Variants in MPP7 observed in about 807,000 individuals in gnomAD.
MPP7 encodes the protein MAGUK p55 subfamily member 7.
A neutral mutation model predicts 76.5 loss-of-function variants in MPP7; 60 were observed. The ratio of observed to expected loss-of-function variants is 0.78; its 90% CI spans 0.64 to 0.97. The LOEUF (loss-of-function observed/expected upper bound fraction) is 0.97. MPP7 is among the 50% of genes least tolerant of loss of function. The pLI is 0.00. For missense variants in MPP7, 641 were observed against 694.0 expected (o/e 0.92, Z 0.86); for synonymous variants, 237 against 244.5 (o/e 0.97, Z 0.29).
At chr10:28,313,876 A>ATTTT (rs1841304865) in intron 2 of MPP7, among the ~76,000 whole-genome samples, 1 of 56,676 alleles carries the variant, frequency 1.8e-5, no homozygotes, top group Non-Finnish European at 3.0e-5. Flanking sequence ...TATTTTTTTT[A>ATTTT]TTTTTTTTTG....
intron 3 of MPP7, among the ~76,000 whole-genome samples, chr10:28,190,867 A>G (rs1449086275): frequency 2.6e-5 from 4 of 152,128 alleles, no homozygotes; most frequent in African/African-American, 4.8e-5. Context: ...GTTCTTTTAA[A>G]TGATTAATAA....
chr10:28,146,004 A>AACAT (rs1835692089), intron 5 of MPP7, among the ~76,000 whole-genome samples: 1 of 152,118 alleles, frequency 6.6e-6, no homozygotes, highest in Admixed American at 6.6e-5. Flanking sequence ...TTTTGTCTGA[A>AACAT]ACATGCTGCT....
intron 11 of MPP7, among the ~76,000 whole-genome samples, chr10:28,092,329 G>A (rs115813055): frequency 0.013 from 1,957 of 152,254 alleles, 57 homozygotes; most frequent in African/African-American, 0.045. Flanking sequence ...GTAAAGAGGA[G>A]AAGAGAATAG....
At chr10:28,309,402 A>G (rs1841276452) in intron 2 of MPP7, among the ~76,000 whole-genome samples, 2 of 141,178 alleles carry the variant, frequency 1.4e-5, no homozygotes, top group Admixed American at 1.4e-4. Context: ...CAACAGAGTG[A>G]GACTCCATCT....
rs969643948 is a variant in MPP7, at chr10:28,051,782, T to C, written c.*2283A>G. On this transcript the variant is annotated 3_prime_UTR_variant, in exon 17 of 17. Transcript: ENST00000683449. ...GACCACGTCTACCGGCTGGGCACGG[T>C]GGATCATGCCTGTAATCCCAGCACT... 1.3e-5 allele frequency: 2 copies of C among 152,034 alleles called. No homozygotes were observed. The highest frequency in any genetic ancestry group is 2.4e-5 in the African/African-American group (1 of 41,322). 9.4% of individuals were successfully genotyped at this position (152,034 alleles called of 1,614,324 possible). A position where few individuals can be genotyped will look rare whatever the true frequency, so the allele number is the denominator to read the frequency against.
At chr10:28,067,929 T>A (rs1039889747) in intron 13 of MPP7, among the ~76,000 whole-genome samples, 3 of 152,138 alleles carry the variant, frequency 2.0e-5, no homozygotes, top group African/African-American at 4.8e-5. Context: ...AGTCAACATA[T>A]CCTTTCTATC....
At chr10:28,159,524 A>G (rs1048485636) in intron 3 of MPP7, among the ~76,000 whole-genome samples, 3 of 152,220 alleles carry the variant, frequency 2.0e-5, no homozygotes, top group African/African-American at 7.2e-5. Context: ...GCTACAAAGG[A>G]AACAGCTGAA....
chr10:28,277,017 A>G (rs1242543632), intron 1 of MPP7, among the ~76,000 whole-genome samples: 4 of 151,830 alleles, frequency 2.6e-5, no homozygotes, highest in African/African-American at 9.7e-5. Context: ...ACATAGTGAG[A>G]TGCTGCCTCT....
chr10:28,062,755 G>A (rs1031036828), intron 13 of MPP7, among the ~76,000 whole-genome samples: 2 of 152,116 alleles, frequency 1.3e-5, no homozygotes, highest in African/African-American at 2.4e-5. Context: ...AACTGATAAA[G>A]TCAACGTTAT....
chr10:28,136,525 T>G (rs1405366387), intron 5 of MPP7, among the ~76,000 whole-genome samples: 1 of 152,044 alleles, frequency 6.6e-6, no homozygotes, highest in Non-Finnish European at 1.5e-5. Flanking sequence ...ATACTGAAAT[T>G]ACACAGATGA....
chr10:28,079,333 A>G (rs183405819), intron 12 of MPP7, among the ~76,000 whole-genome samples: 132 of 152,082 alleles, frequency 8.7e-4, no homozygotes, highest in African/African-American at 2.9e-3. Context: ...TTTAAATCTG[A>G]TACAGACATA....
At chr10:28,180,917 T>C (rs1001691670) in intron 3 of MPP7, among the ~76,000 whole-genome samples, 10 of 152,086 alleles carry the variant, frequency 6.6e-5, no homozygotes, top group African/African-American at 2.4e-4. Context: ...ATAACTAACA[T>C]CAAGAGGTGG....
In MPP7 at chr10:28,098,386, G is replaced by C. The variant is rs1046930617; in HGVS notation, c.953-8545C>G. ...TACTTTTTTTAGTAATATAAAGACT[G>C]TTATGGATACAGAAATATAGAAGAA... On this transcript the variant is annotated intron_variant, in intron 11 of 16. Transcript: ENST00000683449. Among the ~76,000 whole-genome samples the C allele has an allele frequency of 4.3e-4, 66 of 151,938 alleles. 1 individual carries two copies. Among genetic ancestry groups the C allele is most frequent in the African/African-American group, 1.4e-3 (59 of 41,510 alleles).
intron 2 of MPP7, among the ~76,000 whole-genome samples, chr10:28,224,169 A>G (rs1008021004): frequency 6.6e-6 from 1 of 152,122 alleles, no homozygotes; most frequent in Non-Finnish European, 1.5e-5. Flanking sequence ...TGGGCAATAG[A>G]GTGAAACTCC....
intron 8 of MPP7, among the ~76,000 whole-genome samples, chr10:28,123,828 G>C (rs1834921689): frequency 6.6e-6 from 1 of 152,034 alleles, no homozygotes; most frequent in Non-Finnish European, 1.5e-5. Context: ...CAGATGGATA[G>C]TTACCTCTTA....
intron 3 of MPP7, among the ~76,000 whole-genome samples, chr10:28,165,607 T>G (rs1836424750): frequency 6.6e-6 from 1 of 151,806 alleles, no homozygotes; most frequent in Non-Finnish European, 1.5e-5. Context: ...TCAAATATTT[T>G]AAAGGCAGCC....
intron 1 of MPP7, among the ~76,000 whole-genome samples, chr10:28,247,309 A>G (rs1434044762): frequency 6.6e-6 from 1 of 152,214 alleles, no homozygotes; most frequent in African/African-American, 2.4e-5. Context: ...AGAGCTATCA[A>G]AAAATACACT....
At chr10:28,281,943 T>C (rs1840686402) in intron 1 of MPP7, 1 of 152,110 alleles carries the variant, frequency 6.6e-6, no homozygotes, top group South Asian at 2.1e-4. Flanking sequence ...GGAAGACAGC[T>C]GTGGAAACCA....
chr10:28,289,739 G>A (rs989564347), intron 1 of MPP7, among the ~76,000 whole-genome samples: 1 of 152,122 alleles, frequency 6.6e-6, no homozygotes, highest in African/African-American at 2.4e-5. Flanking sequence ...TAGGGGCAGG[G>A]GCAAGAGCAG....
Sources: allele counts gnomAD v4.1 joint callset (sites outside exome capture counted in the v4.1 genomes callset), GRCh38; gene constraint gnomAD v4.1.1; transcripts MANE v1.5; gene names NCBI Gene and HGNC (gene_info 2026-07-23, HGNC 2026-07-21).